Variants in FRMD3 observed in about 807,000 individuals in gnomAD.
The protein encoded by FRMD3 is FERM domain-containing protein 3.
Under a neutral mutation model 70.2 loss-of-function variants are expected in FRMD3, and 33 were observed. That is an observed-to-expected ratio of 0.47 (90% CI 0.36 to 0.63). The LOEUF (loss-of-function observed/expected upper bound fraction) is 0.63. FRMD3 is among the 20% of genes least tolerant of loss of function. FRMD3 has a pLI of 0.00. For synonymous variants in FRMD3, 279 were observed against 255.9 expected (o/e 1.09, Z -0.86); for missense variants, 632 against 711.4 (o/e 0.89, Z 1.27).
upstream of FRMD3, among the ~76,000 whole-genome samples, chr9:83,540,146 C>A (rs1338184680): frequency 6.6e-6 from 1 of 152,180 alleles, no homozygotes; most frequent in Admixed American, 6.5e-5. Context: ...ATCTGTAAAT[C>A]CCCATATGCA....
At position 83,533,197 on chromosome 9, in the gene FRMD3, C is replaced by T. The variant is rs192702676; in HGVS notation, c.147+4888G>A. On this transcript the variant is annotated intron_variant, in intron 1 of 13. Transcript: ENST00000304195. ...TGAGTCAAAGGACCTGGGTTCTGAT[C>T]CACTTATTTGCTTGGTTACCCAAAT... Among the ~76,000 whole-genome samples the T allele has an allele frequency of 3.1e-3, 471 of 152,270 alleles. 2 individuals carry two copies. Among genetic ancestry groups the T allele is most frequent in the Non-Finnish European group, 5.5e-3 (375 of 68,002 alleles).
In FRMD3 at chr9:83,538,224, GCGAACA is replaced by G. The variant is rs1480722076; in HGVS notation, c.2_7del (p.MetPheAla1_?3). ...GCCTCTCGGCACACAGTGGCAGGAG[GCGAACA>G]TGCACCGCGGCCGTGGGGAGCGAGC... On this transcript the variant is annotated start_lost and inframe_deletion, in exon 1 of 14. Transcript: ENST00000304195. This position sits in a 1 kb window ranked among gnomAD's most constrained non-coding sequence, Gnocchi z 4.7. The G allele has an allele frequency of 1.9e-6, 3 of 1,573,424 alleles. No homozygotes were observed. Among genetic ancestry groups the G allele is most frequent in the Admixed American group, 1.9e-5 (1 of 54,018 alleles).
At chr9:83,563,250 A>C in the FRMD3 span, among the ~76,000 whole-genome samples, 1 of 151,702 alleles carries the variant, frequency 6.6e-6, no homozygotes. Context: ...CCTTCACTCC[A>C]CCCTCACCTA....
chr9:83,538,548 C>G (rs7863223), upstream of FRMD3: 28,729 of 231,256 alleles, frequency 0.12, 2,098 homozygotes, highest in African/African-American at 0.2. This position sits in a 1 kb window ranked among gnomAD's most constrained non-coding sequence, Gnocchi z 4.7. Flanking sequence ...GGGCTCGCGA[C>G]GCACTCACTC....
At chr9:83,435,767 G>C (rs1282901225) in intron 1 of FRMD3, among the ~76,000 whole-genome samples, 2 of 152,148 alleles carry the variant, frequency 1.3e-5, no homozygotes, top group African/African-American at 4.8e-5. Flanking sequence ...TGTTTTTAGG[G>C]GCTTGTTTCA....
At chr9:83,469,110 G>A (rs1828204511) in intron 1 of FRMD3, among the ~76,000 whole-genome samples, 1 of 152,240 alleles carries the variant, frequency 6.6e-6, no homozygotes, top group African/African-American at 2.4e-5. Context: ...GCATTCAAAT[G>A]AGGTTAAACT....
At chr9:83,428,029 G>A (rs1826862074) in intron 1 of FRMD3, among the ~76,000 whole-genome samples, 1 of 152,112 alleles carries the variant, frequency 6.6e-6, no homozygotes, top group Non-Finnish European at 1.5e-5. Flanking sequence ...AAGTACTTCT[G>A]CTTCTAGATG....
At chr9:83,460,877 T>C (rs1306587647) in intron 1 of FRMD3, among the ~76,000 whole-genome samples, 2 of 152,050 alleles carry the variant, frequency 1.3e-5, no homozygotes, top group East Asian at 3.9e-4. Context: ...ACAATACAGA[T>C]CACACCATCA....
intron 6 of FRMD3, among the ~76,000 whole-genome samples, chr9:83,315,246 T>C (rs1835521428): frequency 6.6e-6 from 1 of 152,192 alleles, no homozygotes; most frequent in South Asian, 2.1e-4. Flanking sequence ...TTTTGTATGC[T>C]GACTCAGAGT....
the FRMD3 span, among the ~76,000 whole-genome samples, chr9:83,563,565 T>C: frequency 6.6e-6 from 1 of 152,108 alleles, no homozygotes; most frequent in Admixed American, 6.5e-5. Context: ...GCAACCATCC[T>C]TCCTCTGGTT....
At chr9:83,446,268 A>G (rs1478728393) in intron 1 of FRMD3, among the ~76,000 whole-genome samples, 1 of 152,192 alleles carries the variant, frequency 6.6e-6, no homozygotes, top group Non-Finnish European at 1.5e-5. Context: ...CTTCTGCCAG[A>G]GCCCAGCGGC....
At chr9:83,378,841 T>C (rs1246292489) in intron 2 of FRMD3, among the ~76,000 whole-genome samples, 11 of 128,352 alleles carry the variant, frequency 8.6e-5, no homozygotes, top group Middle Eastern at 3.7e-3. Flanking sequence ...ATATATACTA[T>C]ATATAAATTT....
intron 1 of FRMD3, among the ~76,000 whole-genome samples, chr9:83,526,117 C>T (rs1428279552): frequency 2.0e-5 from 3 of 152,224 alleles, no homozygotes; most frequent in Non-Finnish European, 4.4e-5. Context: ...AACTCATTCT[C>T]TGTTCCCCCA....
intron 1 of FRMD3, among the ~76,000 whole-genome samples, chr9:83,442,037 T>C (rs559174017): frequency 6.6e-6 from 1 of 152,292 alleles, no homozygotes; most frequent in East Asian, 1.9e-4. Flanking sequence ...GACACATCTT[T>C]CAAATTGATA....
chr9:83,464,856 T>A (rs1828077160), intron 1 of FRMD3, among the ~76,000 whole-genome samples: 1 of 151,724 alleles, frequency 6.6e-6, no homozygotes, highest in East Asian at 1.9e-4. Context: ...CGATCTCTAC[T>A]AAAAAATAAA....
chr9:83,336,170 T>C (rs1396850305), intron 5 of FRMD3, among the ~76,000 whole-genome samples: 1 of 152,096 alleles, frequency 6.6e-6, no homozygotes, highest in Admixed American at 6.6e-5. Flanking sequence ...TAAAAATCCC[T>C]GAGAGGGTAG....
rs1435204347 is a variant in FRMD3 at position 83,279,821 on chromosome 9, C to T, written c.1195+10782G>A. Among the ~76,000 whole-genome samples, 15 of 151,658 alleles carry T rather than the reference C, an allele frequency of 9.9e-5. No homozygotes were observed. The South Asian group carries it at 1.1e-3, about 11-fold the overall frequency. On this transcript the variant is annotated intron_variant, in intron 13 of 13. Transcript: ENST00000304195. ...CAGCAGGGGGTCGGGGGAGGGAGAG[C>T]GTCAGGATAAATAGCTAATGTATGT...
chr9:83,467,026 C>T (rs1312833322), intron 1 of FRMD3, among the ~76,000 whole-genome samples: 1 of 152,190 alleles, frequency 6.6e-6, no homozygotes, highest in Non-Finnish European at 1.5e-5. Context: ...GACACCCAGA[C>T]CTAGGTCTGA....
the FRMD3 span, among the ~76,000 whole-genome samples, chr9:83,549,696 A>G: frequency 1.3e-5 from 2 of 152,140 alleles, no homozygotes; most frequent in Non-Finnish European, 2.9e-5. Flanking sequence ...TTGTCAAATG[A>G]TCAGTGATAT....
Sources: gnomAD v4.1 joint callset for allele counts (sites outside exome capture counted in the v4.1 genomes callset) on GRCh38, gnomAD v4.1.1 for gene constraint, Gnocchi (gnomAD v3.1) non-coding constraint, MANE v1.5 for transcripts, NCBI Gene and HGNC (gene_info 2026-07-23, HGNC 2026-07-21) for gene names.